The following TNRC18 variants were observed in gnomAD, a reference collection of about 807,000 sequenced individuals.
TNRC18 encodes trinucleotide repeat containing 18.
In TNRC18, 69 loss-of-function variants were observed where a neutral mutation model predicts 226.7. The ratio of observed to expected loss-of-function variants is 0.30; its 90% CI spans 0.25 to 0.37. The LOEUF is 0.37. TNRC18 is among the 10% of genes least tolerant of loss of function. The pLI, the probability that TNRC18 is intolerant of heterozygous loss-of-function variation, is 1.00. For missense variants in TNRC18, 4,754 were observed against 4,256.6 expected (o/e 1.12, Z -3.25); for synonymous variants, 2,449 against 1,927.6 (o/e 1.27, Z -7.09).
At chr7:5,409,812 T>TAAAA (rs35153914) in intron 2 of TNRC18, among the ~76,000 whole-genome samples, 1 of 104,736 alleles carries the variant, frequency 9.5e-6, no homozygotes, top group South Asian at 3.1e-4. Context: ...CCGTCTCTAC[T>TAAAA]AAAAAAAAAA....
chr7:5,387,543 G>A (rs930570898), intron 5 of TNRC18, 129 bp downstream of exon 5: 277 of 1,325,440 alleles, frequency 2.1e-4, no homozygotes, highest in Non-Finnish European at 2.7e-4. Context: ...GAACATTCAA[G>A]ACCATTTTAA....
At chr7:5,378,722 A>T (rs1246822297) in intron 5 of TNRC18, among the ~76,000 whole-genome samples, 1 of 151,970 alleles carries the variant, frequency 6.6e-6, no homozygotes, top group Non-Finnish European at 1.5e-5. Context: ...CCCGCCACTA[A>T]TGCTATTTTA....
chr7:5,348,172 T>C (rs555836841), intron 17 of TNRC18, among the ~76,000 whole-genome samples: 1 of 152,162 alleles, frequency 6.6e-6, no homozygotes, highest in South Asian at 2.1e-4. Flanking sequence ...AGAGAGACTG[T>C]CTTGAGGCAG....
intron 11 of TNRC18, among the ~76,000 whole-genome samples, chr7:5,364,377 G>C (rs1480534167): frequency 2.0e-5 from 3 of 151,708 alleles, no homozygotes; most frequent in African/African-American, 7.3e-5. Flanking sequence ...AAGATCACTT[G>C]AACCCAGGAA....
At chr7:5,421,033 G>A (rs748994773) in intron 2 of TNRC18, 27 bp downstream of exon 2, 100 of 1,535,524 alleles carry the variant, frequency 6.5e-5, no homozygotes, top group Admixed American at 9.9e-5. Flanking sequence ...AAGACAGGAG[G>A]GGACGGGCAC....
rs780079579 is a variant in TNRC18, at chr7:5,312,563, G to A, written c.8328C>T (p.Pro2776=). ...RQRLPSVENR[P]KIAAFLPARQ... ...GGGCTGGCAGGAAGGCGGCGATCTT[G>A]GGCCGGTTCTCCACGGACGGCAGGC... The change falls in exon 27 of 30, where the codon CCC becomes CCT. Residue 2776 remains proline, a synonymous_variant. Coordinates refer to ENST00000430969, the MANE Select transcript of TNRC18 (RefSeq NM_001080495.3). The surrounding 1 kb of genome is among the most constrained non-coding windows in gnomAD (Gnocchi z 6.3). 1.2e-6 allele frequency: 2 copies of A among 1,611,374 alleles called. No homozygotes were observed. Among genetic ancestry groups the A allele is most frequent in the East Asian group, 4.5e-5 (2 of 44,858 alleles).
At chr7:5,370,030 G>T (rs527798766) in intron 11 of TNRC18, among the ~76,000 whole-genome samples, 1 of 152,190 alleles carries the variant, frequency 6.6e-6, no homozygotes, top group Admixed American at 6.5e-5. Flanking sequence ...TGTTTAAGAG[G>T]CCGGGCACAG....
intron 18 of TNRC18, among the ~76,000 whole-genome samples, chr7:5,340,980 G>C (rs1285764839): frequency 1.1e-4 from 16 of 152,158 alleles, no homozygotes; most frequent in Admixed American, 8.5e-4. Context: ...TGGTTTAAAA[G>C]CTTCAAAGGA....
At chr7:5,410,729 G>C (rs1266213739) in intron 2 of TNRC18, among the ~76,000 whole-genome samples, 1 of 151,526 alleles carries the variant, frequency 6.6e-6, no homozygotes, top group East Asian at 1.9e-4. Flanking sequence ...AGTCGGGTGT[G>C]GTGGCATAAG....
chr7:5,347,106 G>A (rs1024059086), intron 17 of TNRC18, among the ~76,000 whole-genome samples: 9 of 152,140 alleles, frequency 5.9e-5, no homozygotes, highest in South Asian at 2.1e-4. Context: ...CCTCTGAGAG[G>A]CTGAGGCGGG....
chr7:5,314,641 T>TGGCTCA (rs917439158), intron 26 of TNRC18, among the ~76,000 whole-genome samples: 1 of 149,154 alleles, frequency 6.7e-6, no homozygotes, highest in Non-Finnish European at 1.5e-5. Context: ...GGTGCGATCT[T>TGGCTCA]GGCTCACTGC....
intron 5 of TNRC18, among the ~76,000 whole-genome samples, chr7:5,379,758 T>C (rs1185637436): frequency 1.3e-5 from 2 of 152,204 alleles, no homozygotes; most frequent in Admixed American, 6.5e-5. Context: ...GGCTACCAGG[T>C]GTGCAGCTCG....
chr7:5,322,283 A>AATAATAATAATCATC (rs146792528), intron 21 of TNRC18, among the ~76,000 whole-genome samples: 18 of 149,506 alleles, frequency 1.2e-4, no homozygotes, highest in African/African-American at 3.9e-4. Context: ...CCGTCTCAAT[A>AATAATAATAATCATC]ATCATCATCA....
chr7:5,320,779 C>G (rs1788268515), intron 22 of TNRC18, 172 bp from the exon 23 acceptor site: 1 of 650,828 alleles, frequency 1.5e-6, no homozygotes, highest in Non-Finnish European at 2.7e-6. Flanking sequence ...TCATTTTCCT[C>G]ATCTGTAGGA....
In TNRC18 at chr7:5,325,129, T is replaced by G; in HGVS notation, c.6267A>C (p.Lys2089Asn). ...TCACCTCCTTCCCTTTGGCCTTGGC[T>G]TTGCTCCTTTTGGCAGCGGTCAGGG... ...ASSLTAAKRS[K>N]AKAKGKEVKK... Residue 2089 changes from lysine to asparagine, a missense_variant, in exon 20 of 30, where the codon AAA (lysine) becomes AAC (asparagine). Coordinates refer to ENST00000430969, the MANE Select transcript of TNRC18 (RefSeq NM_001080495.3). 1.3e-6 allele frequency: 2 copies of G among 1,550,696 alleles called. No homozygotes were observed. The highest frequency in any genetic ancestry group is 1.7e-6 in the Non-Finnish European group (2 of 1,147,284).
chr7:5,330,097 A>G (rs1219319476), intron 19 of TNRC18: 7 of 408,246 alleles, frequency 1.7e-5, no homozygotes, highest in Admixed American at 6.3e-5. Flanking sequence ...ACACCCAGCT[A>G]ATTTTTTTAT....
intron 11 of TNRC18, among the ~76,000 whole-genome samples, chr7:5,366,267 G>A (rs1479437796): frequency 6.6e-6 from 1 of 150,544 alleles, no homozygotes; most frequent in Non-Finnish European, 1.5e-5. Context: ...ATGTCCCCTG[G>A]GGGGACAAAA....
At chr7:5,389,405 C>A (rs1454315262) in intron 4 of TNRC18, 69 bp from the exon 5 acceptor site, 6 of 1,196,344 alleles carry the variant, frequency 5.0e-6, no homozygotes, top group African/African-American at 1.6e-5. Flanking sequence ...TGGGCGGAGG[C>A]GGACCCCTGA....
In TNRC18 at chr7:5,325,195, A is replaced by G; in HGVS notation, c.6201T>C (p.Ala2067=). The change falls in exon 20 of 30, where the codon GCT becomes GCC. Residue 2067 remains alanine (A), a synonymous_variant. Coordinates refer to ENST00000430969, the MANE Select transcript of TNRC18 (RefSeq NM_001080495.3). ...GPGAGLPPPR[A]PALPSEARAP... Reference sequence around the variant, plus strand: ...CCCTGGCCTCAGAGGGCAAGGCAGGAGCTCGGGGCGGCGGCAGCCCAGCTC... The same window carrying G: ...CCCTGGCCTCAGAGGGCAAGGCAGGGGCTCGGGGCGGCGGCAGCCCAGCTC... The G allele has an allele frequency of 6.4e-7, 1 of 1,554,590 alleles. No homozygotes were observed. The highest frequency in any genetic ancestry group is 8.7e-7 in the Non-Finnish European group (1 of 1,150,180).
Sources: allele counts gnomAD v4.1 joint callset (sites outside exome capture counted in the v4.1 genomes callset), GRCh38; gene constraint gnomAD v4.1.1; non-coding constraint Gnocchi (gnomAD v3.1); transcripts MANE v1.5; gene names NCBI Gene and HGNC (gene_info 2026-07-23, HGNC 2026-07-21).